TEP1: variants seen among roughly 807,000 people sequenced by gnomAD.
TEP1 encodes the protein telomerase associated protein 1, also known as telomerase protein component 1.
In TEP1, 241 loss-of-function variants were observed where a neutral mutation model predicts 306.3. The observed-to-expected ratio is 0.79, with a 90% CI of 0.71 to 0.88. TEP1 has a LOEUF of 0.88. TEP1 is among the 40% of genes least tolerant of loss of function. TEP1 has a pLI of 0.00. For missense variants in TEP1, 3,051 were observed against 3,276.1 expected (o/e 0.93, Z 1.68); for synonymous variants, 1,289 against 1,305.5 (o/e 0.99, Z 0.27).
chr14:20,377,999 C>A, intron 39 of TEP1, 25 bp downstream of exon 39: 1 of 1,611,016 alleles, frequency 6.2e-7, no homozygotes, highest in Non-Finnish European at 8.5e-7. Context: ...CCTCACAACC[C>A]ACCACCAGCC....
At chr14:20,377,170 G>A (rs892954455) in intron 41 of TEP1, 110 bp downstream of exon 41, 20 of 904,360 alleles carry the variant, frequency 2.2e-5, no homozygotes, top group Non-Finnish European at 2.8e-5. Context: ...AGCCGAGACC[G>A]TACCACTGCA....
chr14:20,378,742 C>T lies in TEP1; in HGVS notation c.5352+12G>A, dbSNP rs1430795823. 1.2e-6 allele frequency: 2 copies of T among 1,613,502 alleles called. No homozygotes were observed. The highest frequency in any genetic ancestry group is 1.7e-6 in the Non-Finnish European group (2 of 1,179,642). ...CAGGGCCACTCTGACCACTGCAGAC[C>T]CCAAGTCTTACCTTTAGGCATCCTC... is the stretch of plus-strand genomic sequence containing the variant. On this transcript the variant is annotated intron_variant, in intron 37 of 54. Coordinates refer to ENST00000262715, the MANE Select transcript of TEP1 (RefSeq NM_007110.5).
In TEP1 at chr14:20,395,454, C is replaced by T. The variant is rs1377990205; in HGVS notation, c.1924G>A (p.Ala642Thr). The T allele has an allele frequency of 6.3e-7, 1 of 1,591,242 alleles. No homozygotes were observed. The highest frequency in any genetic ancestry group is 1.7e-5 in the Admixed American group (1 of 59,648). The change falls in exon 12 of 55, where the codon GCC becomes ACC. Residue 642 changes from alanine to threonine, a missense_variant. Coordinates refer to ENST00000262715, the MANE Select transcript of TEP1 (RefSeq NM_007110.5). ...LKREKLRVHK[A>T]RQWKYDGEML... ...TCCCAGACAGTGCATACATACCTGG[C>T]CTTGTGTACTCTCAGCTTCTCCCTC...
intron 15 of TEP1, among the ~76,000 whole-genome samples, chr14:20,390,024 A>G (rs1877557319): frequency 6.6e-6 from 1 of 152,188 alleles, no homozygotes; most frequent in Non-Finnish European, 1.5e-5. Context: ...GGTGGACATT[A>G]TTAAACATTA....
chr14:20,380,701 T>C (rs935120695), intron 33 of TEP1, among the ~76,000 whole-genome samples: 1 of 152,238 alleles, frequency 6.6e-6, no homozygotes, highest in African/African-American at 2.4e-5. Context: ...GTTTCCTAGA[T>C]AGTTTTATGC....
At chr14:20,371,147 C>G in intron 51 of TEP1, 71 bp downstream of exon 51, 1 of 1,342,682 alleles carries the variant, frequency 7.4e-7, no homozygotes, top group South Asian at 1.2e-5. Context: ...TCCTCCATGA[C>G]GGGCCCCAAG....
At chr14:20,392,942 G>C (rs35793276) in intron 12 of TEP1, among the ~76,000 whole-genome samples, 22,878 of 152,126 alleles carry the variant, frequency 0.15, 1,889 homozygotes, top group Middle Eastern at 0.17. Flanking sequence ...ATGTAAGCCG[G>C]GCACGGTGGC....
intron 28 of TEP1, 103 bp from the exon 29 acceptor site, chr14:20,382,459 AAAAGT>A: frequency 6.5e-7 from 1 of 1,541,412 alleles, no homozygotes; most frequent in Non-Finnish European, 8.8e-7. Context: ...GGAGGAATGA[AAAAGT>A]AAAGAACAAC....
At chr14:20,387,216 G>A (rs1476332627) in intron 18 of TEP1, among the ~76,000 whole-genome samples, 2 of 149,316 alleles carry the variant, frequency 1.3e-5, no homozygotes, top group Non-Finnish European at 3.0e-5. Flanking sequence ...TTACAGGCGT[G>A]AGCCACGGCG....
chr14:20,404,033 G>A (rs1181240988), intron 5 of TEP1, 149 bp from the exon 6 acceptor site: 4 of 1,128,932 alleles, frequency 3.5e-6, no homozygotes, highest in Non-Finnish European at 5.0e-6. Flanking sequence ...CTGTGGTACT[G>A]ATTTTCATTT....
chr14:20,391,765 T>G lies in TEP1; in HGVS notation c.1931A>C (p.Gln644Pro). ...REKLRVHKAR[Q>P]WKYDGEMLNR... ...CAGCATCTCACCATCATATTTCCAC[T>G]GTCTACATGCAAGAAAGACACAGAC... The change falls in exon 13 of 55, where the codon CAG (glutamine) becomes CCG (proline). Residue 644 changes from glutamine (Q) to proline (P), a missense_variant and splice_region_variant. By Grantham distance (76) the Gln-to-Pro change is moderately conservative. This residue lies in a region of TEP1 where 1,507 missense variants were observed against 1,550.5 expected (regional missense o/e 0.97). Coordinates refer to ENST00000262715, the MANE Select transcript of TEP1 (RefSeq NM_007110.5). The G allele has an allele frequency of 1.2e-6, 2 of 1,613,846 alleles. No individual in the cohort carries two copies. Among genetic ancestry groups the G allele is most frequent in the South Asian group, 1.1e-5 (1 of 91,068 alleles).
intron 41 of TEP1, 35 bp downstream of exon 41, chr14:20,377,245 G>T: frequency 6.7e-7 from 1 of 1,491,630 alleles, no homozygotes; most frequent in Non-Finnish European, 9.1e-7. Context: ...GAAAAGAACA[G>T]TAATTTGTTA....
intron 48 of TEP1, 29 bp downstream of exon 48, chr14:20,372,980 CAG>C (rs753856149): frequency 1.2e-6 from 2 of 1,613,968 alleles, no homozygotes; most frequent in Admixed American, 3.3e-5. Context: ...AGAATTCACA[CAG>C]ACAAAGAACC....
rs1484333298 is a variant in TEP1, at chr14:20,386,567, C to T, written c.2741G>A (p.Arg914Gln). ...SSTFRDMHGE[R>Q]DLLLRSVLPA... ...CAGCACAGACCTCAGCAGCAGGTCCCGCTCCCCATGCATGTCTCGGAAAGT... is the reference window on the plus strand; with the variant it reads ...CAGCACAGACCTCAGCAGCAGGTCCTGCTCCCCATGCATGTCTCGGAAAGT... The change falls in exon 19 of 55, where the codon CGG (arginine) becomes CAG (glutamine). Residue 914 changes from arginine (R) to glutamine (Q), a missense_variant. Arg to Gln is a conservative substitution (Grantham distance 43). Coordinates refer to ENST00000262715, the MANE Select transcript of TEP1 (RefSeq NM_007110.5). 11 of 1,611,642 alleles carry T rather than the reference C, an allele frequency of 6.8e-6. No individual in the cohort carries two copies. Among genetic ancestry groups the T allele is most frequent in the African/African-American group, 2.7e-5 (2 of 74,880 alleles).
chr14:20,369,482 C>T lies in TEP1; in HGVS notation c.7518G>A (p.Gln2506=). The T allele has an allele frequency of 8.1e-6, 13 of 1,614,118 alleles. No individual in the cohort carries two copies. Among genetic ancestry groups the T allele is most frequent in the Non-Finnish European group, 1.1e-5 (13 of 1,180,018 alleles). ...GGGTTTCTGGAGTGTTTGCTTTTTT[C>T]TGCCACATGTTACCTGTGGTCCATT... is the stretch of plus-strand genomic sequence containing the variant. ...EGEWTTGNMW[Q]KKANTPETQT... Residue 2506 remains glutamine (Q), a synonymous_variant, in exon 53 of 55, where the codon CAG becomes CAA. Transcript: ENST00000262715.
chr14:20,377,203 G>A, intron 41 of TEP1, 77 bp downstream of exon 41: 1 of 1,231,444 alleles, frequency 8.1e-7, no homozygotes, highest in South Asian at 1.6e-5. Context: ...CAACAAGAGT[G>A]AAGCTCTGTC....
chr14:20,393,368 G>T (rs943579332), intron 12 of TEP1, among the ~76,000 whole-genome samples: 1 of 152,150 alleles, frequency 6.6e-6, no homozygotes, highest in Non-Finnish European at 1.5e-5. Context: ...AAAATCAGTA[G>T]TCTTCCCAGC....
intron 7 of TEP1, among the ~76,000 whole-genome samples, chr14:20,402,800 AG>A (rs1297252825): frequency 2.6e-5 from 4 of 152,190 alleles, no homozygotes; most frequent in Non-Finnish European, 5.9e-5. Flanking sequence ...TTCCTGTGAA[AG>A]GTATATATTT....
chr14:20,377,748 C>G lies in TEP1; in HGVS notation c.5727G>C (p.Gln1909His). 6.2e-7 allele frequency: 1 copy of G among 1,613,442 alleles called. No individual in the cohort carries two copies. The highest frequency in any genetic ancestry group is 8.5e-7 in the Non-Finnish European group (1 of 1,179,904). The change falls in exon 40 of 55, where the codon CAG (glutamine) becomes CAC (histidine). Residue 1909 changes from glutamine to histidine, a missense_variant. Transcript: ENST00000262715. ...GCCGACCCAGAGACCCTGACCACAC[C>G]TGAACCTGGGAACCAAGAAAAGGGC... ...LLTAGEDGKV[Q>H]VWSGSLGRPR...
Sources: allele counts gnomAD v4.1 joint callset (sites outside exome capture counted in the v4.1 genomes callset), GRCh38; gene constraint gnomAD v4.1.1; regional missense constraint gnomAD v4.1.1; transcripts MANE v1.5; gene names NCBI Gene and HGNC (gene_info 2026-07-23, HGNC 2026-07-21).